Variants in RBFOX1 observed in about 807,000 individuals in gnomAD.
RBFOX1 encodes the protein RNA binding fox-1 homolog 1, also known as RNA binding protein fox-1 homolog 1.
In RBFOX1, 8 loss-of-function variants were observed where a neutral mutation model predicts 57.7. That is an observed-to-expected ratio of 0.14 (90% CI 0.08 to 0.25). RBFOX1 has a LOEUF of 0.25. RBFOX1 is among the 10% of genes least tolerant of loss of function. The pLI, the probability that RBFOX1 is intolerant of heterozygous loss-of-function variation, is 1.00. For missense variants in RBFOX1, 611 were observed against 548.5 expected, an observed-to-expected ratio of 1.11 and a Z score of -1.14; for synonymous variants, 326 against 222.4, an observed-to-expected ratio of 1.47 and a Z score of -4.15.
At chr16:6,173,739 A>T (rs189602621) in intron 1 of RBFOX1, among the ~76,000 whole-genome samples, 14 of 151,238 alleles carry the variant, frequency 9.3e-5, no homozygotes, top group Non-Finnish European at 7.4e-5. Flanking sequence ...CCTCCAGAGT[A>T]GCTGGGGCTA....
Position 7,712,741 on chromosome 16 carries a change from G to A in RBFOX1, c.*1996G>A, listed in dbSNP as rs572381849. ...CCTGGTTGATGTTCTTAAAGGAAAC[G>A]AATTATTAAAACACTATGACATCCT... is the stretch of plus-strand genomic sequence containing the variant. On this transcript the variant is annotated 3_prime_UTR_variant, in exon 16 of 16. Coordinates refer to ENST00000550418, the MANE Select transcript of RBFOX1 (RefSeq NM_018723.4). 1.3e-5 allele frequency: 2 copies of A among 152,152 alleles called. No homozygotes were observed. Among genetic ancestry groups the A allele is most frequent in the South Asian group, 2.1e-4 (1 of 4,826 alleles). 9.4% of individuals were successfully genotyped at this position (152,152 alleles called of 1,614,324 possible). A position where few individuals can be genotyped will look rare whatever the true frequency, so the allele number is the denominator to read the frequency against.
Position 7,273,254 on chromosome 16 carries a change from C to A in RBFOX1, c.27+221156C>A, listed in dbSNP as rs916744519. ...CCTTCCTTCCTTCCTTCCTTCCTTC[C>A]TTCCTTCCTCCCTTTCTCTTTTTCT... On this transcript the variant is annotated intron_variant, in intron 4 of 15. Coordinates refer to ENST00000550418, the MANE Select transcript of RBFOX1 (RefSeq NM_018723.4). Among the ~76,000 whole-genome samples, 16 of 145,346 alleles carry A rather than the reference C, an allele frequency of 1.1e-4. 1 individual carries two copies. In the East Asian group the frequency reaches 3.3e-3, roughly 30 times the overall value.
intron 4 of RBFOX1, among the ~76,000 whole-genome samples, chr16:5,974,442 C>A (rs1456784321): frequency 6.6e-6 from 1 of 151,738 alleles, no homozygotes; most frequent in East Asian, 2.0e-4. Flanking sequence ...AACCCCGTCC[C>A]TACTAAAAAT....
chr16:6,368,173 G>C (rs1419332019), intron 2 of RBFOX1, among the ~76,000 whole-genome samples: 1 of 152,124 alleles, frequency 6.6e-6, no homozygotes, highest in Non-Finnish European at 1.5e-5. Context: ...AGCTTCAAGG[G>C]ATTATGCATA....
chr16:6,125,811 A>G (rs1177810258), intron 1 of RBFOX1, among the ~76,000 whole-genome samples: 2 of 152,016 alleles, frequency 1.3e-5, no homozygotes, highest in East Asian at 3.9e-4. Context: ...TTGGTAGGCT[A>G]TTTTCCTCCC....
chr16:7,700,915 C>A (rs911910861), intron 14 of RBFOX1, among the ~76,000 whole-genome samples: 1 of 152,100 alleles, frequency 6.6e-6, no homozygotes, highest in African/African-American at 2.4e-5. Context: ...TGGTCTGAGT[C>A]TTTTAGATGC....
intron 3 of RBFOX1, among the ~76,000 whole-genome samples, chr16:6,914,786 G>C (rs1386123608): frequency 6.6e-6 from 1 of 152,146 alleles, no homozygotes; most frequent in Non-Finnish European, 1.5e-5. Flanking sequence ...AAGCAAGGAG[G>C]CAGAAACAAC....
At chr16:5,962,985 G>C (rs1472946542) in intron 4 of RBFOX1, among the ~76,000 whole-genome samples, 1 of 152,028 alleles carries the variant, frequency 6.6e-6, no homozygotes, top group East Asian at 1.9e-4. Context: ...CTCTGGTCTT[G>C]AATTTAGAAA....
intron 2 of RBFOX1, among the ~76,000 whole-genome samples, chr16:6,530,563 G>T (rs1014205307): frequency 6.6e-6 from 1 of 152,032 alleles, no homozygotes; most frequent in African/African-American, 2.4e-5. Flanking sequence ...CTATTTTCAC[G>T]CTGCTGATAA....
chr16:7,036,805 G>C (rs2044598395), intron 3 of RBFOX1, among the ~76,000 whole-genome samples: 1 of 152,094 alleles, frequency 6.6e-6, no homozygotes, highest in African/African-American at 2.4e-5. Flanking sequence ...GAAAGTAGGG[G>C]AATAAGAATG....
chr16:7,409,483 C>T (rs966946130), intron 4 of RBFOX1, among the ~76,000 whole-genome samples: 1 of 152,212 alleles, frequency 6.6e-6, no homozygotes, highest in African/African-American at 2.4e-5. Flanking sequence ...GCACAGGGCT[C>T]CTGAACACAA....
At chr16:6,729,916 C>G (rs542496951) in intron 3 of RBFOX1, among the ~76,000 whole-genome samples, 1 of 152,124 alleles carries the variant, frequency 6.6e-6, no homozygotes, top group South Asian at 2.1e-4. Flanking sequence ...AAAACTTGTA[C>G]AGGATGCCCG....
intron 3 of RBFOX1, among the ~76,000 whole-genome samples, chr16:6,946,328 TAGTC>T (rs1376817755): frequency 2.0e-5 from 3 of 152,190 alleles, no homozygotes; most frequent in African/African-American, 7.2e-5. Flanking sequence ...TTTACAAAAA[TAGTC>T]AGTGGGCCAG....
At chr16:7,409,355 C>T (rs1230630800) in intron 4 of RBFOX1, among the ~76,000 whole-genome samples, 1 of 152,194 alleles carries the variant, frequency 6.6e-6, no homozygotes. Flanking sequence ...ATATTATAAA[C>T]CCACATGCCT....
At chr16:7,649,406 AATCT>A (rs1190055472) in intron 11 of RBFOX1, among the ~76,000 whole-genome samples, 2 of 152,228 alleles carry the variant, frequency 1.3e-5, no homozygotes, top group African/African-American at 4.8e-5. Context: ...AAACATAATC[AATCT>A]GTTTCCTTAA....
intron 2 of RBFOX1, among the ~76,000 whole-genome samples, chr16:6,458,328 A>G (rs1047376015): frequency 3.3e-5 from 5 of 152,162 alleles, no homozygotes; most frequent in Admixed American, 6.5e-5. Flanking sequence ...TGTACTATTT[A>G]CTATTGGTTT....
chr16:6,424,577 TGAGAAACCCTA>T (rs1465454548), intron 2 of RBFOX1, among the ~76,000 whole-genome samples: 1 of 148,532 alleles, frequency 6.7e-6, no homozygotes, highest in Admixed American at 6.8e-5. Context: ...GTGCTGAGGT[TGAGAAACCCTA>T]GTACATCTTA....
intron 4 of RBFOX1, among the ~76,000 whole-genome samples, chr16:7,062,688 G>A (rs564531451): frequency 6.6e-6 from 1 of 152,012 alleles, no homozygotes; most frequent in Admixed American, 6.6e-5. Flanking sequence ...TATTGAGTAG[G>A]GTAATGCTAA....
intron 3 of RBFOX1, among the ~76,000 whole-genome samples, chr16:6,706,043 A>G (rs183681676): frequency 1.4e-4 from 21 of 152,274 alleles, no homozygotes; most frequent in South Asian, 2.1e-4. Flanking sequence ...ATAGATAGAT[A>G]TAGGTTAGAT....
Sources: allele counts gnomAD v4.1 joint callset (sites outside exome capture counted in the v4.1 genomes callset), GRCh38; gene constraint gnomAD v4.1.1; transcripts MANE v1.5; gene names NCBI Gene and HGNC (gene_info 2026-07-23, HGNC 2026-07-21).